Variants in TMEM150B observed in about 807,000 individuals in gnomAD.
TMEM150B encodes transmembrane protein 150B.
Under a neutral mutation model 25.2 loss-of-function variants are expected in TMEM150B, and 33 were observed. The ratio of observed to expected loss-of-function variants is 1.31; its 90% CI spans 0.99 to 1.75. The LOEUF is 1.75. Among genes scored for constraint, TMEM150B ranks in the 40% most tolerant of loss-of-function variants. TMEM150B has a pLI of 0.00. For synonymous variants in TMEM150B, 133 were observed against 134.8 expected (o/e 0.99, Z 0.09); for missense variants, 322 against 306.1 (o/e 1.05, Z -0.39).
chr19:55,313,034 G>T lies in TMEM150B; in HGVS notation c.527C>A (p.Ser176Ter), dbSNP rs779463242. Reference sequence around the variant, plus strand: ...GCAGGCCGCAGAGACGCTACGCAGCGAGCAGGCGTGGAGGACGATCACTGC... The same window carrying T: ...GCAGGCCGCAGAGACGCTACGCAGCTAGCAGGCGTGGAGGACGATCACTGC... ...IVAMIVLHAC[S>*]LRSVSAACEW... Residue 176 changes from serine to a stop codon, truncating the protein, a stop_gained, in exon 8 of 8, where the codon TCG becomes TAG. Coordinates refer to ENST00000326652, the MANE Select transcript of TMEM150B (RefSeq NM_001282011.2). LOFTEE classifies it low-confidence loss of function (END_TRUNC). 6.2e-7 allele frequency: 1 copy of T among 1,612,360 alleles called. No individual in the cohort carries two copies. The highest frequency in any genetic ancestry group is 1.1e-5 in the South Asian group (1 of 90,864).
intron 1 of TMEM150B, among the ~76,000 whole-genome samples, chr19:55,324,474 C>A (rs2089284053): frequency 6.6e-6 from 1 of 151,918 alleles, no homozygotes; most frequent in African/African-American, 2.4e-5. Flanking sequence ...ATAGTGAAAC[C>A]CCGTCTCTAC....
chr19:55,322,514 C>T, intron 2 of TMEM150B, 134 bp downstream of exon 2: 1 of 259,238 alleles, frequency 3.9e-6, no homozygotes, highest in Non-Finnish European at 6.0e-6. Flanking sequence ...AGCTGTCCTC[C>T]ACTCCAAGCA....
intron 3 of TMEM150B, 136 bp downstream of exon 3, chr19:55,320,833 G>C: frequency 8.5e-7 from 1 of 1,171,926 alleles, no homozygotes; most frequent in Non-Finnish European, 1.2e-6. Context: ...AGACCCAGGA[G>C]TCCAGGCCTC....
intron 7 of TMEM150B, among the ~76,000 whole-genome samples, chr19:55,316,570 C>T (rs1600219267): frequency 1.3e-5 from 2 of 152,052 alleles, no homozygotes; most frequent in South Asian, 2.1e-4. Flanking sequence ...TAACAGCCCG[C>T]GGAAGTTTCC....
intron 1 of TMEM150B, chr19:55,324,634 T>A (rs1569007736): frequency 1.2e-6 from 1 of 837,050 alleles, no homozygotes. Context: ...GGCGACAGAG[T>A]GAGACTCCGT....
intron 1 of TMEM150B, among the ~76,000 whole-genome samples, chr19:55,324,385 C>T (rs1429075740): frequency 1.3e-5 from 2 of 151,486 alleles, no homozygotes; most frequent in Admixed American, 1.3e-4. Flanking sequence ...CATGGTGGCT[C>T]ACGCCTGCAA....
At chr19:55,311,450 A>AC (rs554533951), downstream of TMEM150B, among the ~76,000 whole-genome samples, 203 of 151,378 alleles carry the variant, frequency 1.3e-3, 1 homozygote, top group African/African-American at 4.4e-3. Flanking sequence ...GGGGCCTGAG[A>AC]CCCCCCCGAC....
rs777739756 is a variant in TMEM150B, at chr19:55,316,953, C to T, written c.338G>A (p.Arg113Gln). Reference sequence around the variant, plus strand: ...GAAGGCCCCTGCCAAGTGCGTAGGCCGCTGGTTCTTTTCCTGGGAGGAGAA... The same window carrying T: ...GAAGGCCCCTGCCAAGTGCGTAGGCTGCTGGTTCTTTTCCTGGGAGGAGAA... ...VVGNFQEKNQ[R>Q]PTHLAGAFLA... The change falls in exon 7 of 8, where the codon CGG becomes CAG. Residue 113 changes from arginine to glutamine, a missense_variant. Physicochemically the swap from Arg to Gln is conservative, Grantham distance 43. Transcript: ENST00000326652. The T allele has an allele frequency of 1.5e-5, 24 of 1,599,872 alleles. No individual in the cohort carries two copies. The highest frequency in any genetic ancestry group is 9.0e-5 in the South Asian group (8 of 88,692).
At position 55,313,011 on chromosome 19, in the gene TMEM150B, A is replaced by G. The variant is rs1487217523; in HGVS notation, c.550T>C (p.Cys184Arg). 6.2e-7 allele frequency: 1 copy of G among 1,613,488 alleles called. No individual in the cohort carries two copies. The highest frequency in any genetic ancestry group is 8.5e-7 in the Non-Finnish European group (1 of 1,179,818). Residue 184 changes from cysteine to arginine, a missense_variant, in exon 8 of 8, where the codon TGC (cysteine) becomes CGC (arginine). Transcript: ENST00000326652. Reference protein sequence around the residue: ...ACSLRSVSAACEWVVAMLLFA... With the variant: ...ACSLRSVSAAREWVVAMLLFA... The stretch of plus-strand genomic sequence containing the variant: ...AGCAGCATGGCCACGACCCACTCGC[A>G]GGCCGCAGAGACGCTACGCAGCGAG...
intron 6 of TMEM150B, 105 bp from the exon 7 acceptor site, chr19:55,317,071 C>T: frequency 1.0e-6 from 1 of 997,134 alleles, no homozygotes. Context: ...TGGTCACCAA[C>T]TTTCCATACC....
intron 7 of TMEM150B, 98 bp from the exon 8 acceptor site, chr19:55,313,153 G>T: frequency 7.8e-7 from 1 of 1,277,526 alleles, no homozygotes; most frequent in Non-Finnish European, 1.1e-6. Flanking sequence ...GTCTCTGGGT[G>T]TCCCCATCCT....
chr19:55,320,232 G>T, intron 5 of TMEM150B, 66 bp from the exon 6 acceptor site: 1 of 1,577,232 alleles, frequency 6.3e-7, no homozygotes, highest in Non-Finnish European at 8.6e-7. Flanking sequence ...CCCAGGGAGG[G>T]AAGTGAGGGG....
chr19:55,320,557 C>A lies in TMEM150B; in HGVS notation c.128+1G>T, dbSNP rs1413873905. On this transcript the variant is annotated splice_donor_variant, in intron 4 of 7. Transcript: ENST00000326652. LOFTEE classifies it high-confidence loss of function. Reference sequence around the variant, plus strand: ...AAATCCCTACCCTCGGGCAGAATTACCTGATGTAGGGAAAGCCTTTACTGA... The same window carrying A: ...AAATCCCTACCCTCGGGCAGAATTAACTGATGTAGGGAAAGCCTTTACTGA... The A allele has an allele frequency of 8.1e-6, 13 of 1,613,896 alleles. No homozygotes were observed. In the South Asian group the frequency reaches 1.1e-4, roughly 14 times the overall value.
At chr19:55,317,672 T>G (rs2089051361) in intron 6 of TMEM150B, among the ~76,000 whole-genome samples, 1 of 151,940 alleles carries the variant, frequency 6.6e-6, no homozygotes, top group Non-Finnish European at 1.5e-5. Context: ...TCCCAGCTAC[T>G]TGGGAGGCTG....
downstream of TMEM150B, among the ~76,000 whole-genome samples, chr19:55,309,974 C>G (rs2123006621): frequency 6.6e-6 from 1 of 152,318 alleles, no homozygotes; most frequent in East Asian, 1.9e-4. Flanking sequence ...ACCCCTGGAC[C>G]CCGTTGAAAG....
chr19:55,322,282 GCAGGGA>G (rs946393935), intron 2 of TMEM150B, among the ~76,000 whole-genome samples: 2 of 152,158 alleles, frequency 1.3e-5, no homozygotes, highest in Admixed American at 6.6e-5. Flanking sequence ...AGCCCAGCCA[GCAGGGA>G]CAGGGACAGG....
At chr19:55,324,414 C>G (rs1021077699) in intron 1 of TMEM150B, among the ~76,000 whole-genome samples, 1 of 151,710 alleles carries the variant, frequency 6.6e-6, no homozygotes, top group African/African-American at 2.4e-5. Context: ...CTTTGGGAGG[C>G]CGAGGTGGGC....
chr19:55,312,703 G>A (rs758304830), downstream of TMEM150B: 8 of 710,220 alleles, frequency 1.1e-5, no homozygotes, highest in Admixed American at 7.0e-5. Flanking sequence ...GGCCCTCCGC[G>A]CCGGCACACA....
At chr19:55,322,549 A>T in intron 2 of TMEM150B, 99 bp downstream of exon 2, 1 of 415,924 alleles carries the variant, frequency 2.4e-6, no homozygotes, top group Non-Finnish European at 3.2e-6. Flanking sequence ...TTCAGTGTTC[A>T]GTCCTAGCTC....
Sources: allele counts gnomAD v4.1 joint callset (sites outside exome capture counted in the v4.1 genomes callset), GRCh38; gene constraint gnomAD v4.1.1; transcripts MANE v1.5; gene names NCBI Gene and HGNC (gene_info 2026-07-23, HGNC 2026-07-21).